The following ADGRG2 variants were observed in gnomAD, a reference collection of about 807,000 sequenced individuals.
ADGRG2 encodes G protein-coupled receptor 64.
ADGRG2 carries 26 observed loss-of-function variants against 74.1 expected under a neutral mutation model. The ratio of observed to expected loss-of-function variants is 0.35; its 90% CI spans 0.26 to 0.49. The LOEUF (loss-of-function observed/expected upper bound fraction) is 0.49. ADGRG2 is among the 20% of genes least tolerant of loss of function. The pLI, the probability that ADGRG2 is intolerant of heterozygous loss-of-function variation, is 0.99. For missense variants in ADGRG2, 619 were observed against 763.1 expected (o/e 0.81, Z 2.22); for synonymous variants, 296 against 295.2 (o/e 1.00, Z -0.03).
intron 18 of ADGRG2, among the ~76,000 whole-genome samples, chrX:19,009,365 A>G (rs1291582613): frequency 9.0e-6 from 1 of 110,506 alleles, no homozygotes; most frequent in Admixed American, 9.7e-5. Flanking sequence ...TTTAGTAGAG[A>G]TGGGGTTTCA....
In ADGRG2 at chrX:19,028,219, G is replaced by A; in HGVS notation, c.378C>T (p.Ile126=). Residue 126 remains isoleucine (I), a synonymous_variant, in exon 10 of 29, where the codon ATC becomes ATT. Coordinates refer to ENST00000379869, the MANE Select transcript of ADGRG2 (RefSeq NM_001079858.3). ...TGCTTTCTTTATCATATTGAAACAT[G>A]ATCTCACCTCTAAAAAATGCTAAAA... ...CNDSAFFRGE[I]MFQYDKESTV... The A allele has an allele frequency of 9.3e-7, 1 of 1,076,863 alleles. No individual in the cohort carries two copies. Among genetic ancestry groups the A allele is most frequent in the South Asian group, 2.0e-5 (1 of 50,283 alleles). The allele number at this position is 1,076,863 out of a possible 1,213,427, so 88.7% of individuals were successfully genotyped here. A position where few individuals can be genotyped will look rare whatever the true frequency, so the allele number is the denominator to read the frequency against.
intron 13 of ADGRG2, among the ~76,000 whole-genome samples, chrX:19,022,480 T>C (rs2146641631): frequency 9.0e-6 from 1 of 111,460 alleles, no homozygotes. Flanking sequence ...AATAGTTTAA[T>C]GAGTAGAAAC....
intron 1 of ADGRG2, among the ~76,000 whole-genome samples, chrX:19,114,025 T>C (rs2062463651): frequency 9.8e-6 from 1 of 101,940 alleles, no homozygotes; most frequent in African/African-American, 3.7e-5. Flanking sequence ...TGAGCCGAGA[T>C]TGCACCACTG....
Position 18,990,630 on chromosome X carries a change from C to T in ADGRG2, c.*234G>A, listed in dbSNP as rs1173506446. Reference sequence around the variant, plus strand: ...GTCATTCTTAGTGTATTGTTTAAAACCAACCTTCTTATAAAATGAAAGATA... The same window carrying T: ...GTCATTCTTAGTGTATTGTTTAAAATCAACCTTCTTATAAAATGAAAGATA... On this transcript the variant is annotated 3_prime_UTR_variant, in exon 29 of 29. Coordinates refer to ENST00000379869, the MANE Select transcript of ADGRG2 (RefSeq NM_001079858.3). 6 of 267,211 alleles carry T rather than the reference C, an allele frequency of 2.2e-5. No homozygotes were observed. The highest frequency in any genetic ancestry group is 3.3e-5 in the Non-Finnish European group (5 of 152,445). The allele number at this position is 267,211 out of a possible 1,213,427, so 22.0% of individuals were successfully genotyped here.
Position 19,023,465 on chromosome X carries a change from C to CA in ADGRG2, c.511-13dup. ...ATTATAAAGTAAGTCTGAAACAAAA[C>CA]AAAAAACACGTATACACATATATGT... On this transcript the variant is annotated splice_polypyrimidine_tract_variant and intron_variant, in intron 12 of 28. Transcript: ENST00000379869. 2 of 1,030,854 alleles carry CA rather than the reference C, an allele frequency of 1.9e-6. No individual in the cohort carries two copies. Among genetic ancestry groups the CA allele is most frequent in the Non-Finnish European group, 2.7e-6 (2 of 744,278 alleles). 85.0% of individuals were successfully genotyped at this position (1,030,854 alleles called of 1,213,427 possible).
At chrX:19,016,577 G>T (rs1408405437) in intron 15 of ADGRG2, among the ~76,000 whole-genome samples, 1 of 107,005 alleles carries the variant, frequency 9.3e-6, no homozygotes, top group Non-Finnish European at 1.9e-5. Flanking sequence ...TAAGTTTTAG[G>T]GTACATGTGC....
intron 3 of ADGRG2, among the ~76,000 whole-genome samples, chrX:19,057,526 C>T (rs1002269077): frequency 8.9e-5 from 10 of 111,972 alleles, no homozygotes; most frequent in Non-Finnish European, 7.5e-5. Context: ...CAATAGGCTG[C>T]ACACACAAAA....
chrX:19,098,590 C>T (rs1343173594), intron 1 of ADGRG2, among the ~76,000 whole-genome samples: 4 of 111,706 alleles, frequency 3.6e-5, no homozygotes, highest in African/African-American at 1.3e-4. Flanking sequence ...AACAGAACCA[C>T]ATCAGTAGTA....
At position 19,122,459 on chromosome X, in the gene ADGRG2, G is replaced by A. The variant is rs2062626313; in HGVS notation, c.-64C>T. The A allele has an allele frequency of 9.0e-6, 1 of 111,554 alleles. No homozygotes were observed. Among genetic ancestry groups the A allele is most frequent in the African/African-American group, 3.2e-5 (1 of 30,941 alleles). 9.2% of individuals were successfully genotyped at this position (111,554 alleles called of 1,213,427 possible). A position where few individuals can be genotyped will look rare whatever the true frequency, so the allele number is the denominator to read the frequency against. ...GCGCTTACCTGCCGCTCGCGTCCTCGGGGCTGGCTGCTGGCGCCGTCCGGC... is the reference window on the plus strand; with the variant it reads ...GCGCTTACCTGCCGCTCGCGTCCTCAGGGCTGGCTGCTGGCGCCGTCCGGC... On this transcript the variant is annotated 5_prime_UTR_variant, in exon 1 of 29. Transcript: ENST00000379869.
intron 1 of ADGRG2, among the ~76,000 whole-genome samples, chrX:19,110,312 G>C (rs1488828747): frequency 1.8e-5 from 2 of 111,078 alleles, no homozygotes; most frequent in African/African-American, 6.6e-5. Context: ...AAGGTAACCT[G>C]GTGGCTATTT....
intron 2 of ADGRG2, among the ~76,000 whole-genome samples, chrX:19,069,662 G>C (rs2061621687): frequency 1.8e-5 from 2 of 111,302 alleles, no homozygotes; most frequent in Admixed American, 1.9e-4. Flanking sequence ...CCTTGGAGAG[G>C]AGCAGCTTGA....
intron 3 of ADGRG2, among the ~76,000 whole-genome samples, chrX:19,045,994 C>T (rs2061179945): frequency 8.9e-6 from 1 of 111,985 alleles, no homozygotes; most frequent in Non-Finnish European, 1.9e-5. Context: ...AAGGGATCCT[C>T]CCACATCAGC....
At chrX:19,000,788 G>A (rs2055176149) in intron 24 of ADGRG2, among the ~76,000 whole-genome samples, 2 of 96,326 alleles carry the variant, frequency 2.1e-5, no homozygotes, top group African/African-American at 3.9e-5. Context: ...GAGTGCAGTG[G>A]CACAATCTCG....
chrX:19,083,180 T>TTC (rs1194439792), intron 1 of ADGRG2, among the ~76,000 whole-genome samples: 1 of 104,501 alleles, frequency 9.6e-6, no homozygotes, highest in East Asian at 3.0e-4. Context: ...ATTTTTTTTT[T>TTC]TTTTTTTTTT....
rs1402207349 is a variant in ADGRG2, at chrX:19,009,764, A to G, written c.1284T>C (p.Asp428=). ...AAAAGTTCAGCTGTAGGCCAATGTC[A>G]TCCACTACTTTCAGCAATCTGTAAA... ...PLAQRLLKVV[D]DIGLQLNFSN... The change falls in exon 18 of 29, where the codon GAT becomes GAC. Residue 428 remains aspartate, a synonymous_variant. Transcript: ENST00000379869. The G allele has an allele frequency of 8.4e-7, 1 of 1,195,660 alleles. No individual in the cohort carries two copies. The highest frequency in any genetic ancestry group is 1.8e-5 in the South Asian group (1 of 55,807).
In ADGRG2 at chrX:18,998,325, G is replaced by GT. The variant is rs1298106612; in HGVS notation, c.2614+670dup. Among the ~76,000 whole-genome samples, 112 of 105,529 alleles carry GT rather than the reference G, an allele frequency of 1.1e-3. 1 individual carries two copies. Among genetic ancestry groups the GT allele is most frequent in the African/African-American group, 2.2e-3 (64 of 29,086 alleles). The allele number at this position is 105,529 out of a possible 115,157, so 91.6% of individuals were successfully genotyped here. A position where few individuals can be genotyped will look rare whatever the true frequency, so the allele number is the denominator to read the frequency against. ...CTGCATGTTCTACTTGAATACAAAA[G>GT]TTTTTTTTTTTAAAAGAAACCAAGT... On this transcript the variant is annotated intron_variant, in intron 26 of 28. Coordinates refer to ENST00000379869, the MANE Select transcript of ADGRG2 (RefSeq NM_001079858.3).
intron 18 of ADGRG2, 50 bp downstream of exon 18, chrX:19,009,576 T>G (rs1393364740): frequency 1.9e-6 from 2 of 1,072,978 alleles, no homozygotes; most frequent in East Asian, 3.0e-5. Flanking sequence ...CAATGGGGAC[T>G]ACAATCACAC....
chrX:19,069,717 C>T (rs755253627), intron 2 of ADGRG2, among the ~76,000 whole-genome samples: 6 of 110,959 alleles, frequency 5.4e-5, no homozygotes, highest in Non-Finnish European at 1.1e-4. Context: ...GGAGTTCAGC[C>T]GCAGATGGCC....
chrX:19,117,770 T>G (rs1323644259), intron 1 of ADGRG2, among the ~76,000 whole-genome samples: 1 of 110,663 alleles, frequency 9.0e-6, no homozygotes, highest in East Asian at 2.8e-4. Context: ...TGAGCCGAGA[T>G]TACTACCACT....
Sources: allele counts gnomAD v4.1 joint callset (sites outside exome capture counted in the v4.1 genomes callset), GRCh38; gene constraint gnomAD v4.1.1; transcripts MANE v1.5; gene names NCBI Gene and HGNC (gene_info 2026-07-23, HGNC 2026-07-21).